The following ST7 variants were observed in gnomAD, a reference collection of about 807,000 sequenced individuals.
ST7 encodes suppression of tumorigenicity 7, also known as suppressor of tumorigenicity 7 protein.
ST7 carries 28 observed loss-of-function variants against 78.7 expected under a neutral mutation model. The observed-to-expected ratio is 0.36, with a 90% CI of 0.26 to 0.49. ST7 has a LOEUF of 0.49. ST7 is among the 20% of genes least tolerant of loss of function. ST7 has a pLI of 0.99. For synonymous variants in ST7, 247 were observed against 249.6 expected, an observed-to-expected ratio of 0.99 and a Z score of 0.10; for missense variants, 418 against 696.0, an observed-to-expected ratio of 0.60 and a Z score of 4.49.
chr7:117,202,552 C>A (rs1305172020), intron 12 of ST7, among the ~76,000 whole-genome samples: 1 of 152,166 alleles, frequency 6.6e-6, no homozygotes, highest in African/African-American at 2.4e-5. Flanking sequence ...CTCACTCTCA[C>A]ATTTAGTCAG....
At chr7:117,025,188 T>C (rs1322576752) in intron 1 of ST7, among the ~76,000 whole-genome samples, 1 of 152,192 alleles carries the variant, frequency 6.6e-6, no homozygotes, top group Non-Finnish European at 1.5e-5. Flanking sequence ...AGATTAAACT[T>C]GGGCCTGTTG....
At chr7:117,025,963 A>G (rs1203448451) in intron 1 of ST7, among the ~76,000 whole-genome samples, 3 of 152,166 alleles carry the variant, frequency 2.0e-5, no homozygotes, top group East Asian at 1.9e-4. Flanking sequence ...TTTTCCCTTC[A>G]GTATTGGTCT....
At chr7:117,026,133 C>CT (rs1796171971) in intron 1 of ST7, among the ~76,000 whole-genome samples, 1 of 152,176 alleles carries the variant, frequency 6.6e-6, no homozygotes, top group Non-Finnish European at 1.5e-5. Context: ...ATAGCATCCC[C>CT]TTGGAGTTAC....
intron 9 of ST7, among the ~76,000 whole-genome samples, chr7:117,149,517 T>C (rs1408622757): frequency 6.6e-6 from 1 of 151,912 alleles, no homozygotes; most frequent in Non-Finnish European, 1.5e-5. Flanking sequence ...TTTAGGTGTG[T>C]AGAGGTATTC....
chr7:117,007,736 A>G (rs1390309965), intron 1 of ST7, among the ~76,000 whole-genome samples: 2 of 152,186 alleles, frequency 1.3e-5, no homozygotes, highest in Non-Finnish European at 2.9e-5. Flanking sequence ...TCATGCTCAC[A>G]TTGCCATGCA....
At chr7:117,095,951 T>C (rs1300873466) in intron 1 of ST7, among the ~76,000 whole-genome samples, 4 of 151,152 alleles carry the variant, frequency 2.6e-5, no homozygotes, top group African/African-American at 9.7e-5. Context: ...GCCTGCAATC[T>C]CAGCTACTCC....
chr7:117,097,113 G>A (rs1801102872), intron 1 of ST7, among the ~76,000 whole-genome samples: 1 of 151,688 alleles, frequency 6.6e-6, no homozygotes, highest in South Asian at 2.1e-4. Context: ...TGATTTTTCA[G>A]CAGAAAATCT....
At chr7:116,988,484 C>A in intron 1 of ST7, among the ~76,000 whole-genome samples, 1 of 152,274 alleles carries the variant, frequency 6.6e-6, no homozygotes, top group East Asian at 1.9e-4. Context: ...TTGTTATATA[C>A]AGATTTCATA....
chr7:117,208,941 GTGTC>G (rs981005474), intron 12 of ST7, among the ~76,000 whole-genome samples: 3 of 144,828 alleles, frequency 2.1e-5, no homozygotes, highest in South Asian at 4.5e-4. Context: ...GTGTGTGTGT[GTGTC>G]AGGGATGGAT....
chr7:117,147,874 T>C (rs1170860146), intron 9 of ST7, among the ~76,000 whole-genome samples: 2 of 151,036 alleles, frequency 1.3e-5, no homozygotes, highest in South Asian at 2.1e-4. Context: ...ATTTTTTTCT[T>C]TACATTATGC....
intron 13 of ST7, among the ~76,000 whole-genome samples, chr7:117,214,352 A>C (rs1223027640): frequency 6.6e-6 from 1 of 152,008 alleles, no homozygotes; most frequent in Non-Finnish European, 1.5e-5. Context: ...TTTTTAGGGG[A>C]ACTAAGGCAG....
chr7:116,981,262 C>T (rs1453732952), intron 1 of ST7, among the ~76,000 whole-genome samples: 1 of 152,134 alleles, frequency 6.6e-6, no homozygotes, highest in East Asian at 1.9e-4. Flanking sequence ...CACATGCCAC[C>T]ACACCCAGCT....
At chr7:117,209,333 T>C (rs1193978032) in intron 12 of ST7, among the ~76,000 whole-genome samples, 1 of 152,166 alleles carries the variant, frequency 6.6e-6, no homozygotes, top group African/African-American at 2.4e-5. Flanking sequence ...TAGGACAAGA[T>C]TTTTCTCCTT....
intron 12 of ST7, among the ~76,000 whole-genome samples, chr7:117,206,028 A>G (rs1042711715): frequency 6.6e-6 from 1 of 152,180 alleles, no homozygotes; most frequent in African/African-American, 2.4e-5. Flanking sequence ...TGCTTTTCTA[A>G]TTTAAATGTT....
intron 2 of ST7, among the ~76,000 whole-genome samples, chr7:117,113,791 C>G (rs748800716): frequency 6.6e-6 from 1 of 152,060 alleles, no homozygotes; most frequent in Non-Finnish European, 1.5e-5. Context: ...CCACCCAGAC[C>G]AACTGAATTA....
intron 10 of ST7, 123 bp downstream of exon 10, chr7:117,171,099 C>A: frequency 2.0e-6 from 1 of 492,364 alleles, no homozygotes; most frequent in Non-Finnish European, 3.5e-6. Flanking sequence ...ATAGAATTTT[C>A]ACCTACAGTT....
intron 1 of ST7, among the ~76,000 whole-genome samples, chr7:116,998,096 G>C (rs539146269): frequency 9.2e-5 from 14 of 152,354 alleles, no homozygotes; most frequent in East Asian, 5.8e-4. Context: ...ATGGAGGCAG[G>C]GGGGAGGCTC....
At chr7:117,169,293 G>A (rs1374536141) in intron 9 of ST7, among the ~76,000 whole-genome samples, 1 of 151,882 alleles carries the variant, frequency 6.6e-6, no homozygotes, top group Non-Finnish European at 1.5e-5. Flanking sequence ...GTGTCACCAT[G>A]CCTGACTAAT....
At chr7:117,174,467 C>A (rs2117287307) in intron 10 of ST7, among the ~76,000 whole-genome samples, 1 of 152,246 alleles carries the variant, frequency 6.6e-6, no homozygotes, top group East Asian at 1.9e-4. Context: ...CCTATAATAT[C>A]AAAGTAAAGC....
Sources: gnomAD v4.1 joint callset for allele counts (sites outside exome capture counted in the v4.1 genomes callset) on GRCh38, gnomAD v4.1.1 for gene constraint, MANE v1.5 for transcripts, NCBI Gene and HGNC (gene_info 2026-07-23, HGNC 2026-07-21) for gene names.